The following ABHD6 variants were observed in gnomAD, a reference collection of about 807,000 sequenced individuals.
The protein encoded by ABHD6 is monoacylglycerol lipase ABHD6.
A neutral mutation model predicts 38.8 loss-of-function variants in ABHD6; 33 were observed. The observed-to-expected ratio is 0.85, with a 90% confidence interval of 0.64 to 1.14. ABHD6 has a LOEUF of 1.14. ABHD6 is among the 50% of genes most tolerant of loss of function. The probability of loss-of-function intolerance (pLI) is 0.00; values close to 1 mark genes in which losing one functional copy is unlikely to be tolerated. For synonymous variants in ABHD6, 147 were observed against 161.6 expected (o/e 0.91, Z 0.69); for missense variants, 380 against 422.6 (o/e 0.90, Z 0.88).
Position 58,285,941 on chromosome 3 carries a change from G to A in ABHD6, c.837+488G>A, listed in dbSNP as rs187634642. On this transcript the variant is annotated intron_variant, in intron 9 of 9. Coordinates refer to ENST00000478253, the MANE Select transcript of ABHD6 (RefSeq NM_001320126.2). The surrounding 1 kb of genome is among the most constrained non-coding windows in gnomAD (Gnocchi z 4.9). ...CAACTTCTGCCTCCCAGGTTCAAGC[G>A]ATTCTCCTGCCTCAGCCTCCCAAGT... Among the ~76,000 whole-genome samples the A allele has an allele frequency of 7.6e-4, 114 of 150,012 alleles. No homozygotes were observed. The highest frequency in any genetic ancestry group is 1.1e-3 in the Non-Finnish European group (72 of 67,586).
intron 7 of ABHD6, among the ~76,000 whole-genome samples, chr3:58,275,717 A>G (rs1412456544): frequency 6.6e-6 from 1 of 152,138 alleles, no homozygotes; most frequent in Non-Finnish European, 1.5e-5. Flanking sequence ...ATAAGTATGC[A>G]TGTGCCATGT....
At chr3:58,281,848 G>T (rs2097453518) in intron 7 of ABHD6, among the ~76,000 whole-genome samples, 1 of 152,208 alleles carries the variant, frequency 6.6e-6, no homozygotes, top group Non-Finnish European at 1.5e-5. Flanking sequence ...GGGTGCGGTG[G>T]TTCATGCCTG....
rs2097443487 is a variant in ABHD6 at position 58,269,735 on chromosome 3, ATC to A, written c.390+307_390+308del. 6.6e-6 allele frequency among the ~76,000 whole-genome samples: 1 copy of A among 152,208 alleles called. No homozygotes were observed. Among genetic ancestry groups the A allele is most frequent in the Non-Finnish European group, 1.5e-5 (1 of 68,030 alleles). On this transcript the variant is annotated intron_variant, in intron 5 of 9. Coordinates refer to ENST00000478253, the MANE Select transcript of ABHD6 (RefSeq NM_001320126.2). This position sits in a 1 kb window ranked among gnomAD's most constrained non-coding sequence, Gnocchi z 4.4. The stretch of plus-strand genomic sequence containing the variant: ...CTTAAAACCAATTCCCTTCCTAGGG[ATC>A]TCTCTTTCTGCTCACCAGTTATATG...
chr3:58,242,750 C>G (rs1459518712), intron 1 of ABHD6, among the ~76,000 whole-genome samples: 2 of 152,092 alleles, frequency 1.3e-5, no homozygotes, highest in African/African-American at 4.8e-5. Context: ...ACTTTAAGTT[C>G]TAGGGTACAT....
intron 3 of ABHD6, among the ~76,000 whole-genome samples, chr3:58,262,991 C>T (rs1173281027): frequency 1.3e-5 from 2 of 152,082 alleles, no homozygotes; most frequent in East Asian, 1.9e-4. Context: ...GGGTAGATCA[C>T]GAGGTCAGGA....
chr3:58,239,072 C>G (rs904426726), intron 1 of ABHD6, among the ~76,000 whole-genome samples: 3 of 152,090 alleles, frequency 2.0e-5, no homozygotes, highest in Non-Finnish European at 4.4e-5. Context: ...TGGTACCTTC[C>G]CAAGACACGA....
chr3:58,254,305 G>A (rs2097431789), intron 2 of ABHD6, among the ~76,000 whole-genome samples: 1 of 152,150 alleles, frequency 6.6e-6, no homozygotes, highest in Admixed American at 6.5e-5. Flanking sequence ...CAGCCTACAG[G>A]TCAAATTTGG....
At chr3:58,245,379 T>G (rs2097425675) in intron 1 of ABHD6, among the ~76,000 whole-genome samples, 1 of 150,612 alleles carries the variant, frequency 6.6e-6, no homozygotes, top group African/African-American at 2.4e-5. Flanking sequence ...TTGGCCAGGC[T>G]GGTCTCGAAC....
chr3:58,291,161 G>C (rs1392540936), intron 9 of ABHD6, among the ~76,000 whole-genome samples: 2 of 149,804 alleles, frequency 1.3e-5, no homozygotes, highest in Non-Finnish European at 3.0e-5. Flanking sequence ...CGGATCACTC[G>C]CGGTTAGGAG....
Position 58,285,425 on chromosome 3 carries a change from C to T in ABHD6, c.809C>T (p.Thr270Met), listed in dbSNP as rs1405244505. The T allele has an allele frequency of 6.2e-6, 10 of 1,613,948 alleles. No homozygotes were observed. Among genetic ancestry groups the T allele is most frequent in the Non-Finnish European group, 7.6e-6 (9 of 1,179,936 alleles). Residue 270 changes from threonine (T) to methionine (M), a missense_variant, in exon 9 of 10, where the codon ACG becomes ATG. Transcript: ENST00000478253. The surrounding 1 kb of genome is among the most constrained non-coding windows in gnomAD (Gnocchi z 4.9). ...AACATGGACAAGATCAAGGTTCCGACGCAGATCATCTGGGGGAAACAAGAC... is the reference window on the plus strand; with the variant it reads ...AACATGGACAAGATCAAGGTTCCGATGCAGATCATCTGGGGGAAACAAGAC... ...HQNMDKIKVPTQIIWGKQDQV... is the reference protein window; with the variant it reads ...HQNMDKIKVPMQIIWGKQDQV...
At chr3:58,258,442 C>A in intron 3 of ABHD6, 1 of 379,430 alleles carries the variant, frequency 2.6e-6, no homozygotes, top group Non-Finnish European at 5.4e-6. Context: ...TGAGCTGAGC[C>A]TTTCTCCTTG....
intron 7 of ABHD6, among the ~76,000 whole-genome samples, chr3:58,280,440 C>T (rs948569294): frequency 7.9e-5 from 12 of 152,100 alleles, no homozygotes; most frequent in Admixed American, 2.0e-4. Flanking sequence ...TCAGCTCCAT[C>T]GGGTCATTTA....
intron 3 of ABHD6, among the ~76,000 whole-genome samples, chr3:58,261,735 C>T (rs2097437118): frequency 6.6e-6 from 1 of 152,082 alleles, no homozygotes; most frequent in African/African-American, 2.4e-5. Flanking sequence ...GATTGGAACC[C>T]CCTATGCACT....
rs1479514740 is a variant in ABHD6 at position 58,251,118 on chromosome 3, C to T, written c.-26+1176C>T. Reference sequence around the variant, plus strand: ...GGGGGATCACCTGAGGTCAGGAGTTCGAGACCAGCCCAGCATGGTGAAACC... The same window carrying T: ...GGGGGATCACCTGAGGTCAGGAGTTTGAGACCAGCCCAGCATGGTGAAACC... On this transcript the variant is annotated intron_variant, in intron 2 of 9. Transcript: ENST00000478253. The surrounding 1 kb of genome is among the most constrained non-coding windows in gnomAD (Gnocchi z 5.4). Among the ~76,000 whole-genome samples, 1 of 151,856 alleles carries T rather than the reference C, an allele frequency of 6.6e-6. No individual in the cohort carries two copies. The highest frequency in any genetic ancestry group is 1.5e-5 in the Non-Finnish European group (1 of 67,970).
intron 1 of ABHD6, among the ~76,000 whole-genome samples, chr3:58,243,434 A>G (rs2097424188): frequency 7.9e-5 from 12 of 152,162 alleles, no homozygotes. Context: ...AATAGAGATT[A>G]CTGGGGGATT....
chr3:58,259,042 G>A lies in ABHD6; in HGVS notation c.119+2337G>A, dbSNP rs1490616456. On this transcript the variant is annotated intron_variant, in intron 3 of 9. Transcript: ENST00000478253. This position sits in a 1 kb window ranked among gnomAD's most constrained non-coding sequence, Gnocchi z 4.7. The stretch of plus-strand genomic sequence containing the variant: ...GTTGCGTGCCCCTTCTCATGGCCTC[G>A]TCAAGGCATCATGGACTGCCACACA... Among the ~76,000 whole-genome samples, 5 of 152,142 alleles carry A rather than the reference G, an allele frequency of 3.3e-5. No individual in the cohort carries two copies. The highest frequency in any genetic ancestry group is 2.1e-4 in the South Asian group (1 of 4,830).
intron 1 of ABHD6, among the ~76,000 whole-genome samples, chr3:58,249,097 A>G (rs576151941): frequency 1.3e-5 from 2 of 152,314 alleles, no homozygotes; most frequent in East Asian, 3.9e-4. Flanking sequence ...GGAAATTACT[A>G]TGTTGTCTCT....
chr3:58,267,649 A>G lies in ABHD6; in HGVS notation c.276+304A>G, dbSNP rs747674007. On this transcript the variant is annotated intron_variant, in intron 4 of 9. Transcript: ENST00000478253. The surrounding 1 kb of genome is among the most constrained non-coding windows in gnomAD (Gnocchi z 4.3). Reference sequence around the variant, plus strand: ...CACTGCACTTAGCCTGGGCAACAGAATAAGACTCTGTCTCAAAAAAAATAA... The same window carrying G: ...CACTGCACTTAGCCTGGGCAACAGAGTAAGACTCTGTCTCAAAAAAAATAA... 1.3e-5 allele frequency among the ~76,000 whole-genome samples: 2 copies of G among 152,000 alleles called. No homozygotes were observed. Among genetic ancestry groups the G allele is most frequent in the Non-Finnish European group, 2.9e-5 (2 of 67,982 alleles).
intron 6 of ABHD6, among the ~76,000 whole-genome samples, chr3:58,271,438 C>T (rs182727499): frequency 7.9e-5 from 12 of 151,978 alleles, no homozygotes; most frequent in African/African-American, 2.2e-4. Flanking sequence ...CAACATTTAT[C>T]GGGCTCTTAC....
Sources: gnomAD v4.1 joint callset for allele counts (sites outside exome capture counted in the v4.1 genomes callset) on GRCh38, gnomAD v4.1.1 for gene constraint, Gnocchi (gnomAD v3.1) non-coding constraint, MANE v1.5 for transcripts, NCBI Gene and HGNC (gene_info 2026-07-23, HGNC 2026-07-21) for gene names.